The following WDFY2 variants were observed in gnomAD, a reference collection of about 807,000 sequenced individuals.
The protein encoded by WDFY2 is WD repeat and FYVE domain containing 2.
WDFY2 carries 36 observed loss-of-function variants against 56.4 expected under a neutral mutation model. The observed-to-expected ratio is 0.64, with a 90% CI of 0.49 to 0.84. The LOEUF (loss-of-function observed/expected upper bound fraction) is 0.84, where lower values mean the gene tolerates loss of function less well. WDFY2 is among the 40% of genes least tolerant of loss of function. WDFY2 has a pLI of 0.00. For missense variants in WDFY2, 444 were observed against 512.2 expected (o/e 0.87, Z 1.29); for synonymous variants, 176 against 183.7 (o/e 0.96, Z 0.34).
At chr13:51,674,628 C>T (rs527890267) in intron 2 of WDFY2, among the ~76,000 whole-genome samples, 57 of 152,234 alleles carry the variant, frequency 3.7e-4, no homozygotes, top group Admixed American at 7.2e-4. Context: ...GACTCCAGCA[C>T]ACCCCCAAAG....
chr13:51,604,519 A>G (rs538968700), intron 1 of WDFY2, among the ~76,000 whole-genome samples: 1 of 152,358 alleles, frequency 6.6e-6, no homozygotes, highest in South Asian at 2.1e-4. Context: ...GTCACTAGAC[A>G]TTATGAATGT....
At chr13:51,629,145 T>C (rs1415913801) in intron 1 of WDFY2, among the ~76,000 whole-genome samples, 1 of 152,228 alleles carries the variant, frequency 6.6e-6, no homozygotes, top group Non-Finnish European at 1.5e-5. Context: ...ATGGGAAGTC[T>C]CTCAAGCTGT....
intron 1 of WDFY2, among the ~76,000 whole-genome samples, chr13:51,654,119 C>A (rs1219091981): frequency 2.6e-5 from 4 of 152,218 alleles, no homozygotes; most frequent in Non-Finnish European, 4.4e-5. Context: ...GCCCCTCCCC[C>A]AGCCTCGCTG....
intron 1 of WDFY2, among the ~76,000 whole-genome samples, chr13:51,639,452 G>A (rs1014437606): frequency 6.6e-6 from 1 of 152,162 alleles, no homozygotes; most frequent in African/African-American, 2.4e-5. Flanking sequence ...CAAAATTGTA[G>A]AGGGCAGTAG....
chr13:51,625,020 A>G (rs756401970), intron 1 of WDFY2, among the ~76,000 whole-genome samples: 1 of 152,254 alleles, frequency 6.6e-6, no homozygotes, highest in Non-Finnish European at 1.5e-5. Context: ...AGTTTTGAGC[A>G]GATCAAGATT....
Position 51,739,147 on chromosome 13 carries a change from G to C in WDFY2, c.697G>C (p.Gly233Arg), listed in dbSNP as rs1952908186. ...CATGTGGGACATCGGTGGGAGAAAA[G>C]GAACAGCCATCGAGCTCCAAGGACA... ...VIMWDIGGRK[G>R]TAIELQGHND... The change falls in exon 7 of 12, where the codon GGA becomes CGA. Residue 233 changes from glycine to arginine, a missense_variant. Gly to Arg is a moderately radical substitution (Grantham distance 125). Coordinates refer to ENST00000298125, the MANE Select transcript of WDFY2 (RefSeq NM_052950.4). 1 of 1,595,480 alleles carries C rather than the reference G, an allele frequency of 6.3e-7. No homozygotes were observed. The highest frequency in any genetic ancestry group is 8.5e-7 in the Non-Finnish European group (1 of 1,171,340).
At chr13:51,734,445 T>C (rs978499530) in intron 6 of WDFY2, among the ~76,000 whole-genome samples, 3 of 152,214 alleles carry the variant, frequency 2.0e-5, no homozygotes, top group African/African-American at 7.2e-5. Flanking sequence ...ACGTGGGAGA[T>C]ATTAGCCAAC....
chr13:51,703,872 G>A (rs144000469), intron 4 of WDFY2, among the ~76,000 whole-genome samples: 2 of 152,290 alleles, frequency 1.3e-5, no homozygotes, highest in African/African-American at 4.8e-5. Flanking sequence ...GATCAGGTCA[G>A]CTTGACTCCC....
chr13:51,742,484 CA>C (rs1389323877), intron 7 of WDFY2, among the ~76,000 whole-genome samples: 2 of 151,910 alleles, frequency 1.3e-5, no homozygotes, highest in Non-Finnish European at 2.9e-5. Flanking sequence ...TATTTGCAAG[CA>C]TCAGTTACTA....
chr13:51,621,231 G>A (rs1358575727), intron 1 of WDFY2, among the ~76,000 whole-genome samples: 1 of 152,112 alleles, frequency 6.6e-6, no homozygotes, highest in Non-Finnish European at 1.5e-5. Context: ...TTGGCCGGGC[G>A]CGGTGGCTCA....
At chr13:51,631,937 T>TA (rs1483849068) in intron 1 of WDFY2, among the ~76,000 whole-genome samples, 1 of 152,258 alleles carries the variant, frequency 6.6e-6, no homozygotes, top group African/African-American at 2.4e-5. Context: ...GTTGATTATA[T>TA]ATCCTCCCTT....
intron 7 of WDFY2, among the ~76,000 whole-genome samples, chr13:51,747,061 T>G (rs927013435): frequency 2.6e-5 from 4 of 152,278 alleles, no homozygotes; most frequent in Non-Finnish European, 5.9e-5. Flanking sequence ...GAAATATCAA[T>G]ATTTTAAAAT....
At chr13:51,679,513 T>C (rs1250513031) in intron 3 of WDFY2, among the ~76,000 whole-genome samples, 3 of 152,154 alleles carry the variant, frequency 2.0e-5, no homozygotes, top group Admixed American at 2.0e-4. Context: ...GATCTATAAA[T>C]GGTTAGCACT....
chr13:51,683,691 C>T (rs749415089), intron 3 of WDFY2, among the ~76,000 whole-genome samples: 2 of 152,198 alleles, frequency 1.3e-5, no homozygotes, highest in Non-Finnish European at 2.9e-5. Flanking sequence ...CCTGTGGTTG[C>T]GGAACTGCTG....
At chr13:51,757,015 T>G (rs1953407006) in intron 10 of WDFY2, among the ~76,000 whole-genome samples, 1 of 152,174 alleles carries the variant, frequency 6.6e-6, no homozygotes, top group African/African-American at 2.4e-5. Flanking sequence ...TGTTATCTCT[T>G]TAGTGTTGGC....
intron 4 of WDFY2, among the ~76,000 whole-genome samples, chr13:51,712,693 GT>G (rs1952249089): frequency 6.6e-6 from 1 of 151,056 alleles, no homozygotes; most frequent in African/African-American, 2.4e-5. Flanking sequence ...AAAAGCTAGT[GT>G]TTTGATAAGC....
At chr13:51,742,818 G>A (rs1229976835) in intron 7 of WDFY2, among the ~76,000 whole-genome samples, 2 of 152,062 alleles carry the variant, frequency 1.3e-5, no homozygotes, top group Non-Finnish European at 2.9e-5. Context: ...GGCACTTCCA[G>A]TCTGTGTATT....
chr13:51,672,357 A>G (rs1955822556), intron 2 of WDFY2, among the ~76,000 whole-genome samples: 1 of 151,978 alleles, frequency 6.6e-6, no homozygotes, highest in Admixed American at 6.6e-5. Flanking sequence ...TGTTGACTGT[A>G]AGTATTTGGG....
At chr13:51,703,716 C>A in intron 4 of WDFY2, 66 bp downstream of exon 4, 2 of 1,315,542 alleles carry the variant, frequency 1.5e-6, no homozygotes, top group Non-Finnish European at 1.1e-6. Context: ...TTTTCACTGC[C>A]ACAAGAGAAT....
Sources: gnomAD v4.1 joint callset for allele counts (sites outside exome capture counted in the v4.1 genomes callset) on GRCh38, gnomAD v4.1.1 for gene constraint, MANE v1.5 for transcripts, NCBI Gene and HGNC (gene_info 2026-07-23, HGNC 2026-07-21) for gene names.